Variants in VMP1 observed in about 807,000 individuals in gnomAD.
The protein encoded by VMP1 is ectopic P-granules autophagy protein 3 homolog.
A neutral mutation model predicts 56.0 loss-of-function variants in VMP1; 11 were observed. That is an observed-to-expected ratio of 0.20 (90% CI 0.12 to 0.32). The LOEUF (loss-of-function observed/expected upper bound fraction) is 0.32. Ranked by LOEUF, VMP1 falls within the 10% of genes least tolerant of loss-of-function variation. The pLI, the probability that VMP1 is intolerant of heterozygous loss-of-function variation, is 1.00. For missense variants in VMP1, 296 were observed against 490.3 expected (o/e 0.60, Z 3.74); for synonymous variants, 149 against 165.0 (o/e 0.90, Z 0.74).
At chr17:59,817,906 A>G (rs2038301703) in intron 10 of VMP1, 133 bp downstream of exon 10, 2 of 555,732 alleles carry the variant, frequency 3.6e-6, no homozygotes, top group Admixed American at 3.9e-5. Context: ...ACTTGCTGTT[A>G]TTAGTAAATG....
chr17:59,802,847 A>C (rs2037721070), intron 7 of VMP1, among the ~76,000 whole-genome samples: 1 of 152,232 alleles, frequency 6.6e-6, no homozygotes, highest in Admixed American at 6.5e-5. Flanking sequence ...GCCGTGTTCA[A>C]GCAATTCTCC....
In VMP1 at chr17:59,737,556, G is replaced by A. The variant is rs1384281224; in HGVS notation, c.303+13G>A. 4 of 1,595,232 alleles carry A rather than the reference G, an allele frequency of 2.5e-6. No homozygotes were observed. The highest frequency in any genetic ancestry group is 1.7e-4 in the Middle Eastern group (1 of 5,974). The stretch of plus-strand genomic sequence containing the variant: ...AGTGCATCAACAGGTGAGAGGTCGA[G>A]CAATTCTGTTTCTAGTCTTGCACAT... On this transcript the variant is annotated intron_variant, in intron 4 of 11. Transcript: ENST00000262291.
chr17:59,816,349 C>T (rs979031856), intron 9 of VMP1, among the ~76,000 whole-genome samples: 6 of 152,174 alleles, frequency 3.9e-5, no homozygotes, highest in African/African-American at 1.4e-4. Flanking sequence ...TTGGTATAGA[C>T]CCCCTGCTTT....
intron 1 of VMP1, among the ~76,000 whole-genome samples, chr17:59,718,833 C>G (rs559349412): frequency 1.3e-5 from 2 of 152,082 alleles, no homozygotes; most frequent in East Asian, 3.9e-4. Context: ...TCACACCCAG[C>G]CCTCCCCAAG....
At chr17:59,814,849 C>A (rs1361864806) in intron 9 of VMP1, among the ~76,000 whole-genome samples, 4 of 152,208 alleles carry the variant, frequency 2.6e-5, no homozygotes, top group Non-Finnish European at 5.9e-5. Context: ...TCCATCGTAT[C>A]ATAGTGACAT....
intron 5 of VMP1, among the ~76,000 whole-genome samples, chr17:59,745,682 G>A (rs1302153337): frequency 6.6e-6 from 1 of 152,068 alleles, no homozygotes; most frequent in African/African-American, 2.4e-5. Context: ...TCCTCACTTA[G>A]GGAAATGTGA....
At chr17:59,750,247 A>G (rs766442479) in intron 5 of VMP1, among the ~76,000 whole-genome samples, 4 of 151,972 alleles carry the variant, frequency 2.6e-5, no homozygotes, top group Non-Finnish European at 4.4e-5. Flanking sequence ...ACATTTTATT[A>G]TGCTCTTTGC....
chr17:59,733,166 A>G (rs1361899110), intron 2 of VMP1, among the ~76,000 whole-genome samples: 1 of 152,100 alleles, frequency 6.6e-6, no homozygotes, highest in Non-Finnish European at 1.5e-5. Context: ...AGCCTGGGTG[A>G]CAGAGCAAGA....
At chr17:59,754,144 T>C (rs1257444978) in intron 5 of VMP1, among the ~76,000 whole-genome samples, 4 of 152,176 alleles carry the variant, frequency 2.6e-5, no homozygotes, top group African/African-American at 9.7e-5. Flanking sequence ...TGTTAAAAAT[T>C]GTACATTTAC....
chr17:59,832,206 T>G (rs2038831093), intron 10 of VMP1, among the ~76,000 whole-genome samples: 1 of 145,750 alleles, frequency 6.9e-6, no homozygotes, highest in South Asian at 2.2e-4. Context: ...TTTTTTTTTT[T>G]GTCACCTAGA....
At chr17:59,757,537 A>T (rs1440152587) in intron 5 of VMP1, among the ~76,000 whole-genome samples, 1 of 152,180 alleles carries the variant, frequency 6.6e-6, no homozygotes, top group South Asian at 2.1e-4. Context: ...AAGATAAAAT[A>T]TCTTTTTCCA....
intron 1 of VMP1, among the ~76,000 whole-genome samples, chr17:59,708,664 A>G (rs2143673383): frequency 6.6e-6 from 1 of 152,366 alleles, no homozygotes; most frequent in Admixed American, 6.5e-5. Context: ...AGAAGCTTGT[A>G]CAAGTGTTTC....
intron 5 of VMP1, among the ~76,000 whole-genome samples, chr17:59,747,923 G>A (rs1217498286): frequency 2.0e-5 from 3 of 150,852 alleles, no homozygotes. Flanking sequence ...CCAGCCAGGC[G>A]CGGTGGCTCA....
At chr17:59,730,344 T>A (rs2034778884) in intron 1 of VMP1, among the ~76,000 whole-genome samples, 2 of 152,116 alleles carry the variant, frequency 1.3e-5, no homozygotes, top group Non-Finnish European at 2.9e-5. Context: ...TACCTCAGTG[T>A]AGCCTTTCAC....
chr17:59,757,693 G>T (rs1358436952), intron 5 of VMP1, among the ~76,000 whole-genome samples: 2 of 151,612 alleles, frequency 1.3e-5, no homozygotes, highest in African/African-American at 4.9e-5. Context: ...CCAATCTTTG[G>T]AAAATATAAT....
chr17:59,729,188 GACAT>G (rs1373104586), intron 1 of VMP1, among the ~76,000 whole-genome samples: 1 of 152,038 alleles, frequency 6.6e-6, no homozygotes, highest in African/African-American at 2.4e-5. Context: ...CAGTTGATAA[GACAT>G]TTGGGTTATA....
intron 1 of VMP1, among the ~76,000 whole-genome samples, chr17:59,724,663 C>T (rs2034527401): frequency 6.6e-6 from 1 of 151,546 alleles, no homozygotes; most frequent in East Asian, 1.9e-4. Context: ...CAGAGTGAAA[C>T]TTTGTCTCAA....
intron 7 of VMP1, among the ~76,000 whole-genome samples, chr17:59,786,203 C>T (rs1281921659): frequency 6.6e-6 from 1 of 151,954 alleles, no homozygotes; most frequent in African/African-American, 2.4e-5. Context: ...GCGAACATCC[C>T]TTTTCAAACT....
chr17:59,767,207 G>A (rs1223553214), intron 6 of VMP1, among the ~76,000 whole-genome samples: 1 of 151,602 alleles, frequency 6.6e-6, no homozygotes. Flanking sequence ...TAAAGATTAT[G>A]GAACAGATCA....
Sources: allele counts gnomAD v4.1 joint callset (sites outside exome capture counted in the v4.1 genomes callset), GRCh38; gene constraint gnomAD v4.1.1; transcripts MANE v1.5; gene names NCBI Gene and HGNC (gene_info 2026-07-23, HGNC 2026-07-21).